The following TBR1 variants were observed in gnomAD, a reference collection of about 807,000 sequenced individuals.
The protein encoded by TBR1 is T-box brain transcription factor 1.
TBR1 carries 7 observed loss-of-function variants against 60.3 expected under a neutral mutation model. The ratio of observed to expected loss-of-function variants is 0.12; its 90% confidence interval spans 0.07 to 0.22. The LOEUF (loss-of-function observed/expected upper bound fraction) is 0.22. TBR1 is among the 10% of genes least tolerant of loss of function. The pLI is 1.00. For missense variants in TBR1, 616 were observed against 936.8 expected (o/e 0.66, Z 4.47); for synonymous variants, 417 against 409.9 (o/e 1.02, Z -0.21).
chr2:161,424,061 A>G lies in TBR1; in HGVS notation c.1883A>G (p.Asp628Gly). 1 of 1,609,806 alleles carries G rather than the reference A, an allele frequency of 6.2e-7. No individual in the cohort carries two copies. ...PSSIKSIDSS[D>G]SGIYEQAKRR... ...TCGATCAAGTCCATCGACTCCAGCGACTCGGGGATTTACGAGCAGGCCAAG... is the reference window on the plus strand; with the variant it reads ...TCGATCAAGTCCATCGACTCCAGCGGCTCGGGGATTTACGAGCAGGCCAAG... Residue 628 changes from aspartate (D) to glycine (G), a missense_variant, in exon 6 of 6, where the codon GAC becomes GGC. Coordinates refer to ENST00000389554, the MANE Select transcript of TBR1 (RefSeq NM_006593.4). This position sits in a 1 kb window ranked among gnomAD's most constrained non-coding sequence, Gnocchi z 4.4.
Position 161,418,909 on chromosome 2 carries a change from C to T in TBR1, c.987C>T (p.Ser329=), listed in dbSNP as rs771376423. Residue 329 remains serine, a synonymous_variant, in exon 4 of 6, where the codon TCC becomes TCT. Coordinates refer to ENST00000389554, the MANE Select transcript of TBR1 (RefSeq NM_006593.4). ...NNNGQMVVLQ[S]LHKYQPRLHV... is the part of the protein sequence containing the mutation. ...CCGGACAGATGGTGGTTTTACAGTC[C>T]TTGCACAAGTACCAGCCCCGCCTGC... 1.5e-5 allele frequency: 24 copies of T among 1,614,014 alleles called. No homozygotes were observed. Among genetic ancestry groups the T allele is most frequent in the South Asian group, 2.2e-5 (2 of 91,062 alleles).
In TBR1 at chr2:161,423,529, G is replaced by T; in HGVS notation, c.1351G>T (p.Ala451Ser). The T allele has an allele frequency of 6.3e-7, 1 of 1,577,738 alleles. No homozygotes were observed. The highest frequency in any genetic ancestry group is 8.6e-7 in the Non-Finnish European group (1 of 1,164,928). Residue 451 changes from alanine (A) to serine (S), a missense_variant, in exon 6 of 6, where the codon GCG becomes TCG. Physicochemically the swap from Ala to Ser is moderately conservative, Grantham distance 99. Transcript: ENST00000389554. The stretch of plus-strand genomic sequence containing the variant: ...GGCCCGCTTCCACCCGGGCGCGGGC[G>T]CGGGCCCCGGGCCGGGTACGGACCG... ...AKARFHPGAG[A>S]GPGPGTDRSV...
chr2:161,419,907 G>C (rs775905314), intron 4 of TBR1: 10 of 210,004 alleles, frequency 4.8e-5, no homozygotes, highest in Admixed American at 1.1e-4. Flanking sequence ...TGTGTAACAA[G>C]CATTTTTAAA....
chr2:161,419,085 G>A (rs1382345239), intron 4 of TBR1, 35 bp downstream of exon 4: 1 of 1,613,140 alleles, frequency 6.2e-7, no homozygotes, highest in South Asian at 1.1e-5. Context: ...CGAGGCGGGC[G>A]GCACAGACAT....
At chr2:161,419,519 T>C (rs1001863790) in intron 4 of TBR1, 2 of 158,504 alleles carry the variant, frequency 1.3e-5, no homozygotes, top group African/African-American at 4.8e-5. Context: ...ACATCACTGT[T>C]CTGGGAGATC....
At chr2:161,420,027 C>G in intron 4 of TBR1, 169 bp from the exon 5 acceptor site, 1 of 464,618 alleles carries the variant, frequency 2.2e-6, no homozygotes, top group Non-Finnish European at 3.9e-6. Flanking sequence ...ATGATACTTT[C>G]TCTTTTTTTC....
At chr2:161,418,507 C>A in intron 3 of TBR1, 185 bp downstream of exon 3, 1 of 948,926 alleles carries the variant, frequency 1.1e-6, no homozygotes, top group Non-Finnish European at 1.5e-6. Flanking sequence ...TCATTGGCAA[C>A]ACCTCCGTCG....
chr2:161,418,583 C>T, intron 3 of TBR1: 1 of 546,226 alleles, frequency 1.8e-6, no homozygotes, highest in Non-Finnish European at 3.1e-6. Context: ...AGAAACCCCA[C>T]AAGATCTGCA....
intron 4 of TBR1, chr2:161,419,387 T>G: frequency 5.3e-6 from 1 of 188,208 alleles, no homozygotes; most frequent in Non-Finnish European, 1.1e-5. Flanking sequence ...AATTCTCTCT[T>G]TCCTTTAGAA....
chr2:161,417,411 T>G lies in TBR1; in HGVS notation c.693-265T>G. The G allele has an allele frequency of 1.8e-6, 1 of 563,936 alleles. No individual in the cohort carries two copies. The highest frequency in any genetic ancestry group is 3.1e-6 in the Non-Finnish European group (1 of 321,556). 34.9% of individuals were successfully genotyped at this position (563,936 alleles called of 1,614,324 possible). A position where few individuals can be genotyped will look rare whatever the true frequency, so the allele number is the denominator to read the frequency against. ...ATCAACACTGGCATGCACGGACAGG[T>G]GGAGACGCAGGTCGCCAACCTCGCT... On this transcript the variant is annotated intron_variant, in intron 1 of 5. Transcript: ENST00000389554. This position sits in a 1 kb window ranked among gnomAD's most constrained non-coding sequence, Gnocchi z 5.3.
Position 161,420,228 on chromosome 2 carries a change from T to C in TBR1, c.1161T>C (p.Phe387=), listed in dbSNP as rs181943543. 2.2e-5 allele frequency: 35 copies of C among 1,613,682 alleles called. No homozygotes were observed. The highest frequency in any genetic ancestry group is 3.3e-4 in the Middle Eastern group (2 of 6,060). ...ITQLKIDHNP[F]AKGFRDNYDT... is the part of the protein sequence containing the mutation. Reference sequence around the variant, plus strand: ...AACTGAAAATAGATCACAACCCTTTTGCAAAAGGATTTCGGGATAATTATG... The same window carrying C: ...AACTGAAAATAGATCACAACCCTTTCGCAAAAGGATTTCGGGATAATTATG... The change falls in exon 5 of 6, where the codon TTT becomes TTC. Residue 387 remains phenylalanine (F), a synonymous_variant. Transcript: ENST00000389554.
chr2:161,418,349 C>T (rs889930416), intron 3 of TBR1, 27 bp downstream of exon 3: 37 of 1,592,796 alleles, frequency 2.3e-5, no homozygotes, highest in Admixed American at 3.4e-5. Context: ...CTCGTGTTTT[C>T]TCTCTCTCTC....
In TBR1 at chr2:161,417,016, C is replaced by A; in HGVS notation, c.606C>A (p.Gly202=). 1 of 1,614,166 alleles carries A rather than the reference C, an allele frequency of 6.2e-7. No individual in the cohort carries two copies. The highest frequency in any genetic ancestry group is 8.5e-7 in the Non-Finnish European group (1 of 1,180,046). The change falls in exon 1 of 6, where the codon GGC becomes GGA. Residue 202 remains glycine (G), a synonymous_variant. Transcript: ENST00000389554. This position sits in a 1 kb window ranked among gnomAD's most constrained non-coding sequence, Gnocchi z 5.3. Reference sequence around the variant, plus strand: ...CCACCCAGCCGGGGCTGGTGCCCGGCAAAGCACAGGTGTACCTGTGCAACA... The same window carrying A: ...CCACCCAGCCGGGGCTGGTGCCCGGAAAAGCACAGGTGTACCTGTGCAACA... ...FSSTQPGLVP[G]KAQVYLCNRP...
chr2:161,423,453 C>T lies in TBR1; in HGVS notation c.1275C>T (p.Tyr425=), dbSNP rs1376156762. 1.2e-6 allele frequency: 2 copies of T among 1,605,860 alleles called. No individual in the cohort carries two copies. The highest frequency in any genetic ancestry group is 1.7e-6 in the Non-Finnish European group (2 of 1,176,794). Residue 425 remains tyrosine (Y), a synonymous_variant, in exon 6 of 6, where the codon TAC becomes TAT. Transcript: ENST00000389554. ...PRSQIVPGAR[Y]AMAGSFLQDQ... ...CGCAGATCGTGCCCGGGGCCCGCTA[C>T]GCCATGGCCGGCTCTTTCCTGCAGG...
chr2:161,420,103 T>C, intron 4 of TBR1, 93 bp from the exon 5 acceptor site: 1 of 1,100,052 alleles, frequency 9.1e-7, no homozygotes, highest in Non-Finnish European at 1.4e-6. Context: ...TTGTAGGCCT[T>C]AAGCCCCTGT....
At chr2:161,422,738 A>G (rs901279924) in intron 5 of TBR1, 1 of 152,246 alleles carries the variant, frequency 6.6e-6, no homozygotes, top group African/African-American at 2.4e-5. Context: ...GACACTAAGT[A>G]CTTTGGAGGC....
chr2:161,418,753 G>A (rs1269620069), intron 3 of TBR1, 139 bp from the exon 4 acceptor site: 3 of 1,193,850 alleles, frequency 2.5e-6, no homozygotes, highest in South Asian at 1.6e-5. Flanking sequence ...AGCCAGGCGA[G>A]TCCCGCGGTC....
rs1684296643 is a variant in TBR1, at chr2:161,424,852, CCTTT to C, written c.*630_*633del. The C allele has an allele frequency of 6.6e-6, 1 of 152,552 alleles. No individual in the cohort carries two copies. Among genetic ancestry groups the C allele is most frequent in the Non-Finnish European group, 1.5e-5 (1 of 68,008 alleles). 9.4% of individuals were successfully genotyped at this position (152,552 alleles called of 1,614,324 possible). On this transcript the variant is annotated 3_prime_UTR_variant, in exon 6 of 6. Transcript: ENST00000389554. The surrounding 1 kb of genome is among the most constrained non-coding windows in gnomAD (Gnocchi z 4.4). ...TTCATGCTTAACCTTTTTTTCCTTT[CCTTT>C]CTTTGCTTTTCTTTCTCTCCTCTCA...
chr2:161,417,440 C>T lies in TBR1; in HGVS notation c.693-236C>T, dbSNP rs1004387573. On this transcript the variant is annotated intron_variant, in intron 1 of 5. Transcript: ENST00000389554. The surrounding 1 kb of genome is among the most constrained non-coding windows in gnomAD (Gnocchi z 5.3). ...GACGCAGGTCGCCAACCTCGCTCTC[C>T]ACCTGGGCAGTGATAACTGCCACCT... The T allele has an allele frequency of 3.3e-6, 2 of 601,058 alleles. No homozygotes were observed. The highest frequency in any genetic ancestry group is 2.9e-6 in the Non-Finnish European group (1 of 349,754). The allele number at this position is 601,058 out of a possible 1,614,324, so 37.2% of individuals were successfully genotyped here. A position where few individuals can be genotyped will look rare whatever the true frequency, so the allele number is the denominator to read the frequency against.
Sources: allele counts gnomAD v4.1 joint callset, GRCh38; gene constraint gnomAD v4.1.1; non-coding constraint Gnocchi (gnomAD v3.1); transcripts MANE v1.5; gene names NCBI Gene and HGNC (gene_info 2026-07-23, HGNC 2026-07-21).